Variants in INTS15 observed in about 807,000 individuals in gnomAD.
INTS15 encodes the protein uncharacterized protein C7orf26.
the INTS15 span, among the ~76,000 whole-genome samples, chr7:6,597,847 A>T: frequency 6.6e-6 from 1 of 152,214 alleles, no homozygotes; most frequent in Non-Finnish European, 1.5e-5. Flanking sequence ...GCTGTTGGGC[A>T]CTTCTGGTAA....
At chr7:6,608,228 A>G in the INTS15 span, 1 of 1,524,582 alleles carries the variant, frequency 6.6e-7, no homozygotes, top group South Asian at 1.2e-5. Flanking sequence ...GGGTGGCCGG[A>G]CTCCCAGAAG....
the INTS15 span, among the ~76,000 whole-genome samples, chr7:6,597,299 G>GTTTTT: frequency 7.0e-6 from 1 of 143,004 alleles, no homozygotes; most frequent in Non-Finnish European, 1.5e-5. Context: ...TGGCTTTTTG[G>GTTTTT]TTTTTTTTTT....
the INTS15 span, among the ~76,000 whole-genome samples, chr7:6,598,455 T>G: frequency 3.1e-4 from 30 of 95,694 alleles, no homozygotes; most frequent in South Asian, 6.3e-4. Flanking sequence ...GACAACAGAG[T>G]GGGACTCCAT....
chr7:6,600,263 C>T, the INTS15 span: 4 of 1,614,106 alleles, frequency 2.5e-6, no homozygotes, highest in Admixed American at 6.7e-5. Context: ...ACTGAACCCC[C>T]TCAACGCCTC....
At chr7:6,597,846 C>T in the INTS15 span, among the ~76,000 whole-genome samples, 7 of 152,196 alleles carry the variant, frequency 4.6e-5, no homozygotes, top group African/African-American at 1.7e-4. Context: ...CGCTGTTGGG[C>T]ACTTCTGGTA....
the INTS15 span, chr7:6,602,124 A>G: frequency 1.9e-6 from 3 of 1,613,368 alleles, no homozygotes; most frequent in Non-Finnish European, 2.5e-6. Flanking sequence ...CTTGTGCTCC[A>G]GGCTGCCCCA....
the INTS15 span, among the ~76,000 whole-genome samples, chr7:6,606,467 T>C: frequency 6.6e-6 from 1 of 152,088 alleles, no homozygotes; most frequent in Admixed American, 6.5e-5. Context: ...GAGCCTTGGC[T>C]AAGTGACGGG....
chr7:6,590,483 C>T, the INTS15 span: 1 of 1,566,272 alleles, frequency 6.4e-7, no homozygotes. Context: ...AAGGTGCGGC[C>T]TGAGACGGTC....
chr7:6,607,364 C>G, the INTS15 span, among the ~76,000 whole-genome samples: 12 of 136,772 alleles, frequency 8.8e-5, no homozygotes, highest in Non-Finnish European at 1.8e-4. The surrounding 1 kb of genome is among the most constrained non-coding windows in gnomAD (Gnocchi z 6.0). Context: ...CAGCTGTTCT[C>G]GGAGCCCCGG....
the INTS15 span, chr7:6,591,899 C>G: frequency 1.9e-6 from 3 of 1,594,920 alleles, no homozygotes; most frequent in Non-Finnish European, 2.6e-6. Context: ...CGGCCGGGTG[C>G]GGTGGCTCAT....
At chr7:6,597,851 C>T in the INTS15 span, among the ~76,000 whole-genome samples, 9 of 152,324 alleles carry the variant, frequency 5.9e-5, no homozygotes, top group Admixed American at 1.3e-4. Context: ...TTGGGCACTT[C>T]TGGTAACAGG....
the INTS15 span, chr7:6,594,548 A>G: frequency 6.2e-7 from 1 of 1,614,116 alleles, no homozygotes; most frequent in Non-Finnish European, 8.5e-7. Context: ...CCAGCCCGAG[A>G]TTCTGCTGCC....
At chr7:6,590,295 C>A in the INTS15 span, 3 of 1,570,654 alleles carry the variant, frequency 1.9e-6, no homozygotes, top group Non-Finnish European at 2.6e-6. Context: ...TGAGCGACAT[C>A]CGCCACTCGC....
chr7:6,608,224 C>A, the INTS15 span: 1 of 1,528,064 alleles, frequency 6.5e-7, no homozygotes, highest in Non-Finnish European at 8.8e-7. Context: ...GAAGGGGTGG[C>A]CGGACTCCCA....
the INTS15 span, chr7:6,590,293 A>G: frequency 6.4e-7 from 1 of 1,567,754 alleles, no homozygotes. Flanking sequence ...CATGAGCGAC[A>G]TCCGCCACTC....
At chr7:6,608,286 G>A in the INTS15 span, 3 of 1,459,266 alleles carry the variant, frequency 2.1e-6, no homozygotes, top group African/African-American at 2.8e-5. Flanking sequence ...CGGCAGAACC[G>A]TCTTGGTGTC....
chr7:6,590,276 G>A, the INTS15 span: 1 of 1,523,594 alleles, frequency 6.6e-7, no homozygotes, highest in African/African-American at 1.4e-5. Context: ...GGCCGCGGCG[G>A]CCGCACCATG....
At chr7:6,594,517 C>T in the INTS15 span, 362 of 1,614,124 alleles carry the variant, frequency 2.2e-4, 6 homozygotes, top group Admixed American at 5.7e-3. Context: ...TCCATTCAGA[C>T]GCTGAAGCAG....
chr7:6,606,245 C>T, the INTS15 span, among the ~76,000 whole-genome samples: 3 of 152,164 alleles, frequency 2.0e-5, no homozygotes, highest in Non-Finnish European at 4.4e-5. Context: ...CTTTGGGCAC[C>T]GAATGCACCA....
Sources: allele counts gnomAD v4.1 joint callset (sites outside exome capture counted in the v4.1 genomes callset), GRCh38; gene constraint gnomAD v4.1.1; non-coding constraint Gnocchi (gnomAD v3.1); transcripts MANE v1.5; gene names NCBI Gene and HGNC (gene_info 2026-07-23, HGNC 2026-07-21).